RBFOX1: variants seen among roughly 807,000 people sequenced by gnomAD.
RBFOX1 encodes the protein RNA binding protein fox-1 homolog 1.
Under a neutral mutation model 57.7 loss-of-function variants are expected in RBFOX1, and 8 were observed. That is an observed-to-expected ratio of 0.14 (90% CI 0.08 to 0.25). RBFOX1 has a LOEUF of 0.25. Among genes scored for constraint, RBFOX1 ranks in the 10% least tolerant of loss-of-function variants. The pLI, the probability that RBFOX1 is intolerant of heterozygous loss-of-function variation, is 1.00. For synonymous variants in RBFOX1, 326 were observed against 222.4 expected, an observed-to-expected ratio of 1.47 and a Z score of -4.15; for missense variants, 611 against 548.5, an observed-to-expected ratio of 1.11 and a Z score of -1.14.
intron 4 of RBFOX1, among the ~76,000 whole-genome samples, chr16:5,889,572 A>G (rs1176096024): frequency 6.6e-6 from 1 of 152,082 alleles, no homozygotes; most frequent in Admixed American, 6.5e-5. Context: ...ATTCTTTTGG[A>G]TGTATTTAGC....
intron 4 of RBFOX1, among the ~76,000 whole-genome samples, chr16:5,891,825 T>C (rs924858942): frequency 6.6e-6 from 1 of 152,156 alleles, no homozygotes; most frequent in African/African-American, 2.4e-5. Flanking sequence ...TTCTCTGACC[T>C]TGATGGAGGC....
intron 3 of RBFOX1, among the ~76,000 whole-genome samples, chr16:5,740,217 G>A (rs921306307): frequency 6.6e-6 from 1 of 152,082 alleles, no homozygotes; most frequent in African/African-American, 2.4e-5. Context: ...AGTTGGGGCC[G>A]GTGTTAACAT....
At chr16:6,422,688 T>C (rs1383326764) in intron 2 of RBFOX1, among the ~76,000 whole-genome samples, 1 of 152,092 alleles carries the variant, frequency 6.6e-6, no homozygotes, top group Non-Finnish European at 1.5e-5. Flanking sequence ...CGCTGAACGC[T>C]TTTAAACAAC....
At chr16:6,076,939 C>T (rs988512460) in intron 1 of RBFOX1, among the ~76,000 whole-genome samples, 6 of 152,152 alleles carry the variant, frequency 3.9e-5, no homozygotes, top group African/African-American at 1.4e-4. Flanking sequence ...GCACAGTGCA[C>T]TTAATAAGAT....
At chr16:6,856,785 A>T (rs1463560632) in intron 3 of RBFOX1, among the ~76,000 whole-genome samples, 2 of 152,158 alleles carry the variant, frequency 1.3e-5, no homozygotes, top group Non-Finnish European at 2.9e-5. Context: ...CACTAAGGAG[A>T]TGTGTGTAAC....
intron 1 of RBFOX1, among the ~76,000 whole-genome samples, chr16:6,274,979 A>T (rs570121775): frequency 2.8e-4 from 43 of 152,254 alleles, no homozygotes; most frequent in Admixed American, 6.5e-4. Flanking sequence ...TGCTGTGAAA[A>T]CTTTTAGCTG....
chr16:6,041,133 G>T (rs759440552), intron 1 of RBFOX1, among the ~76,000 whole-genome samples: 2 of 152,132 alleles, frequency 1.3e-5, no homozygotes, highest in Non-Finnish European at 2.9e-5. Flanking sequence ...CCCCCTGCAG[G>T]TTCCTGGCAA....
chr16:7,429,593 GGAGGT>G (rs2098658595), intron 4 of RBFOX1, among the ~76,000 whole-genome samples: 1 of 152,214 alleles, frequency 6.6e-6, no homozygotes, highest in African/African-American at 2.4e-5. Flanking sequence ...AGAATCTAGA[GGAGGT>G]GAGCAGAAAA....
chr16:6,186,855 T>G (rs573950224), intron 1 of RBFOX1, among the ~76,000 whole-genome samples: 14 of 152,250 alleles, frequency 9.2e-5, no homozygotes, highest in African/African-American at 3.4e-4. Flanking sequence ...ATGCAGAGAA[T>G]GTAGGGTCAC....
intron 2 of RBFOX1, among the ~76,000 whole-genome samples, chr16:6,591,422 C>G (rs553319548): frequency 1.3e-5 from 2 of 152,180 alleles, no homozygotes; most frequent in African/African-American, 4.8e-5. Context: ...CTACTGCACT[C>G]CAGTCTGGGT....
At position 6,539,150 on chromosome 16, in the gene RBFOX1, G is replaced by A. The variant is rs548082972; in HGVS notation, c.-63-115453G>A. ...AAAAAAAAAAAGAAAATTTGCCCAT[G>A]GTATGACTGTTCTTCTCCTTGGCGG... On this transcript the variant is annotated intron_variant, in intron 2 of 15. Coordinates refer to ENST00000550418, the MANE Select transcript of RBFOX1 (RefSeq NM_018723.4). Among the ~76,000 whole-genome samples the A allele has an allele frequency of 1.1e-4, 16 of 151,798 alleles. 1 individual carries two copies. The South Asian group carries it at 3.3e-3, about 32-fold the overall frequency.
In RBFOX1 at chr16:5,443,495, G is replaced by A. The variant is rs560946784; in HGVS notation, c.220-23721G>A. Among the ~76,000 whole-genome samples the A allele has an allele frequency of 7.9e-5, 12 of 152,152 alleles. No individual in the cohort carries two copies. The South Asian group carries it at 1.7e-3, about 21-fold the overall frequency. On this transcript the variant is annotated intron_variant, in intron 1 of 2. Transcript: ENST00000585867. ...TGGGATTACAGGCACACGCCACCAC[G>A]CCCAGCTAATATTTTTGTATTTTTA...
chr16:6,471,210 T>C (rs912975941), intron 2 of RBFOX1, among the ~76,000 whole-genome samples: 1 of 152,164 alleles, frequency 6.6e-6, no homozygotes, highest in African/African-American at 2.4e-5. Flanking sequence ...TTGAATGCCT[T>C]TCTCCCCTGA....
At chr16:6,867,085 C>T (rs541795155) in intron 3 of RBFOX1, among the ~76,000 whole-genome samples, 1 of 151,628 alleles carries the variant, frequency 6.6e-6, no homozygotes, top group African/African-American at 2.4e-5. Context: ...TTCATTCTAA[C>T]CAGCAAGAAC....
At position 6,620,062 on chromosome 16, in the gene RBFOX1, G is replaced by C. The variant is rs148470559; in HGVS notation, c.-63-34541G>C. On this transcript the variant is annotated intron_variant, in intron 2 of 15. Transcript: ENST00000550418. ...TCTTATTCTTTCTTATGGCTGCATA[G>C]CATTCCATGGTGCATATGGACCACA... Among the ~76,000 whole-genome samples, 32 of 152,262 alleles carry C rather than the reference G, an allele frequency of 2.1e-4. No individual in the cohort carries two copies. The East Asian group carries it at 6.0e-3, about 28-fold the overall frequency.
At chr16:6,255,073 A>G (rs1042288065) in intron 1 of RBFOX1, among the ~76,000 whole-genome samples, 3 of 152,098 alleles carry the variant, frequency 2.0e-5, no homozygotes, top group Non-Finnish European at 4.4e-5. Flanking sequence ...AGCATCACAT[A>G]TGTCCGCGGA....
At chr16:6,779,591 A>G (rs941404350) in intron 3 of RBFOX1, among the ~76,000 whole-genome samples, 1 of 148,196 alleles carries the variant, frequency 6.7e-6, no homozygotes, top group African/African-American at 2.5e-5. Context: ...GAACCTCCAT[A>G]CTATTCTCCA....
chr16:5,394,442 T>A (rs1449582176), intron 1 of RBFOX1, among the ~76,000 whole-genome samples: 1 of 152,202 alleles, frequency 6.6e-6, no homozygotes, highest in Non-Finnish European at 1.5e-5. Context: ...ATGATCCATT[T>A]CTCATTATAT....
At chr16:7,595,366 T>G (rs1307901866) in intron 7 of RBFOX1, among the ~76,000 whole-genome samples, 183 bp from the exon 8 acceptor site, 2 of 152,232 alleles carry the variant, frequency 1.3e-5, no homozygotes, top group Admixed American at 1.3e-4. Context: ...GAAAAAAATA[T>G]CTTGTTCACA....
Sources: allele counts gnomAD v4.1 joint callset (sites outside exome capture counted in the v4.1 genomes callset), GRCh38; gene constraint gnomAD v4.1.1; transcripts MANE v1.5; gene names NCBI Gene and HGNC (gene_info 2026-07-23, HGNC 2026-07-21).